The following HCRTR2 variants were observed in gnomAD, a reference collection of about 807,000 sequenced individuals.
HCRTR2 encodes the protein orexin receptor type 2.
HCRTR2 carries 22 observed loss-of-function variants against 49.0 expected under a neutral mutation model. That is an observed-to-expected ratio of 0.45 (90% CI 0.32 to 0.64). The LOEUF (loss-of-function observed/expected upper bound fraction) is 0.64, where lower values mean the gene tolerates loss of function less well. Ranked by LOEUF, HCRTR2 falls within the 30% of genes least tolerant of loss-of-function variation. The pLI is 0.04. For synonymous variants in HCRTR2, 236 were observed against 205.3 expected (o/e 1.15, Z -1.28); for missense variants, 491 against 559.4 (o/e 0.88, Z 1.23).
chr6:55,259,977 C>A (rs1766724128), intron 3 of HCRTR2, among the ~76,000 whole-genome samples: 1 of 152,100 alleles, frequency 6.6e-6, no homozygotes, highest in African/African-American at 2.4e-5. Flanking sequence ...TTCAAACAAT[C>A]TATCCTACCC....
chr6:55,280,278 T>C, intron 5 of HCRTR2, 45 bp from the exon 6 acceptor site: 1 of 1,288,776 alleles, frequency 7.8e-7, no homozygotes, highest in Non-Finnish European at 1.1e-6. Context: ...CACCTTTGAA[T>C]TTAATTATTT....
At chr6:55,247,565 A>G (rs1375881630) in intron 1 of HCRTR2, among the ~76,000 whole-genome samples, 1 of 152,148 alleles carries the variant, frequency 6.6e-6, no homozygotes, top group Non-Finnish European at 1.5e-5. Context: ...TGCCCCAGAC[A>G]AATTCAGTAA....
intron 1 of HCRTR2, among the ~76,000 whole-genome samples, chr6:55,226,749 G>C (rs1417484991): frequency 4.6e-5 from 5 of 108,726 alleles, no homozygotes; most frequent in African/African-American, 2.0e-4. Flanking sequence ...ACAGAGTCTC[G>C]CTCTGTCGCC....
At chr6:55,164,374 C>T (rs1561992364) in intron 1 of HCRTR2, among the ~76,000 whole-genome samples, 1 of 152,162 alleles carries the variant, frequency 6.6e-6, no homozygotes, top group Non-Finnish European at 1.5e-5. Context: ...GGAACCAACC[C>T]AGATGTCCAT....
At chr6:55,118,132 A>G (rs144506026) in intron 1 of HCRTR2, among the ~76,000 whole-genome samples, 3 of 151,986 alleles carry the variant, frequency 2.0e-5, no homozygotes, top group African/African-American at 4.8e-5. Flanking sequence ...GCTCCCACCT[A>G]TAAGTGAGAA....
At chr6:55,201,441 T>C (rs1053605294) in intron 1 of HCRTR2, among the ~76,000 whole-genome samples, 1 of 152,142 alleles carries the variant, frequency 6.6e-6, no homozygotes, top group African/African-American at 2.4e-5. Flanking sequence ...AATACTCATA[T>C]ATGTTCACTT....
At chr6:55,143,500 C>T (rs528076916) in intron 1 of HCRTR2, among the ~76,000 whole-genome samples, 1 of 152,132 alleles carries the variant, frequency 6.6e-6, no homozygotes, top group African/African-American at 2.4e-5. Context: ...AAAGTTATTG[C>T]TTTGCTTAGA....
At chr6:55,177,846 G>T (rs1361387992) in intron 1 of HCRTR2, among the ~76,000 whole-genome samples, 3 of 152,170 alleles carry the variant, frequency 2.0e-5, no homozygotes, top group African/African-American at 7.2e-5. Flanking sequence ...CAGTTTCCTG[G>T]GGGAGTAAAG....
At chr6:55,173,367 C>T (rs991627363), upstream of HCRTR2, among the ~76,000 whole-genome samples, 3 of 152,212 alleles carry the variant, frequency 2.0e-5, no homozygotes, top group Non-Finnish European at 2.9e-5. Flanking sequence ...GAGGCTTCTA[C>T]TCTGAAGCTG....
At chr6:55,129,766 C>T (rs905647844) in intron 1 of HCRTR2, among the ~76,000 whole-genome samples, 13 of 151,906 alleles carry the variant, frequency 8.6e-5, no homozygotes, top group Non-Finnish European at 1.8e-4. Context: ...TACTTTGTCC[C>T]TATAAAATAC....
At chr6:55,178,069 A>G (rs571045132) in intron 1 of HCRTR2, among the ~76,000 whole-genome samples, 1 of 152,240 alleles carries the variant, frequency 6.6e-6, no homozygotes, top group East Asian at 1.9e-4. Context: ...CAATTGGTAT[A>G]TTGTGAGCAT....
At position 55,206,362 on chromosome 6, in the gene HCRTR2, C is replaced by T. The variant is rs114965578; in HGVS notation, c.223+31552C>T. 2.9e-3 allele frequency among the ~76,000 whole-genome samples: 440 copies of T among 152,088 alleles called. 8 individuals carry two copies. Among genetic ancestry groups the T allele is most frequent in the African/African-American group, 0.01 (419 of 41,536 alleles). Reference sequence around the variant, plus strand: ...AATTAAAAACAAAAATATGATTTCACGACTGTGATAGTACCTGAGAAATTT... The same window carrying T: ...AATTAAAAACAAAAATATGATTTCATGACTGTGATAGTACCTGAGAAATTT... On this transcript the variant is annotated intron_variant, in intron 1 of 6. Coordinates refer to ENST00000370862, the MANE Select transcript of HCRTR2 (RefSeq NM_001384272.1).
chr6:55,129,786 C>T (rs1359734236), intron 1 of HCRTR2, among the ~76,000 whole-genome samples: 1 of 151,970 alleles, frequency 6.6e-6, no homozygotes, highest in Non-Finnish European at 1.5e-5. Context: ...CAAATCTGAT[C>T]ACATGTCTTC....
At chr6:55,162,339 A>G (rs1214316356) in intron 1 of HCRTR2, among the ~76,000 whole-genome samples, 1 of 152,222 alleles carries the variant, frequency 6.6e-6, no homozygotes, top group African/African-American at 2.4e-5. Context: ...AATGTATTTT[A>G]AAACAATAAG....
intron 1 of HCRTR2, among the ~76,000 whole-genome samples, chr6:55,205,063 AC>A (rs1765577431): frequency 6.6e-6 from 1 of 152,110 alleles, no homozygotes; most frequent in African/African-American, 2.4e-5. Context: ...CAGGTGTGAA[AC>A]ACTGTGCCTG....
At chr6:55,208,119 A>C (rs1430040989) in intron 1 of HCRTR2, among the ~76,000 whole-genome samples, 1 of 152,096 alleles carries the variant, frequency 6.6e-6, no homozygotes, top group Non-Finnish European at 1.5e-5. Flanking sequence ...CTTTTAAACA[A>C]GAGCAATTTC....
intron 1 of HCRTR2, among the ~76,000 whole-genome samples, chr6:55,207,629 T>C (rs893478475): frequency 2.0e-5 from 3 of 152,072 alleles, no homozygotes; most frequent in Non-Finnish European, 4.4e-5. Flanking sequence ...AACCAAAAAT[T>C]GTTGCAAAAT....
Position 55,252,558 on chromosome 6 carries a change from G to A in HCRTR2, c.403-2578G>A, listed in dbSNP as rs551878222. The stretch of plus-strand genomic sequence containing the variant: ...TTAGCAATGGTATTGAGGGGCCCTA[G>A]GTGCTTAACTTATTTGCAGAGAAGG... On this transcript the variant is annotated intron_variant, in intron 2 of 6. Coordinates refer to ENST00000370862, the MANE Select transcript of HCRTR2 (RefSeq NM_001384272.1). Among the ~76,000 whole-genome samples, 111 of 152,116 alleles carry A rather than the reference G, an allele frequency of 7.3e-4. 3 individuals carry two copies. In the South Asian group the frequency reaches 0.022, roughly 30 times the overall value.
At position 55,179,465 on chromosome 6, in the gene HCRTR2, G is replaced by A. The variant is rs550680018; in HGVS notation, c.223+4655G>A. 2.0e-4 allele frequency among the ~76,000 whole-genome samples: 30 copies of A among 152,144 alleles called. No homozygotes were observed. In the South Asian group the frequency reaches 5.0e-3, roughly 25 times the overall value. ...CTACATTTTTGCTAAAATCATAACT[G>A]TTTAGTCTTACTTAGTAAAATAAAT... On this transcript the variant is annotated intron_variant, in intron 1 of 6. Coordinates refer to ENST00000370862, the MANE Select transcript of HCRTR2 (RefSeq NM_001384272.1).
Sources: gnomAD v4.1 joint callset for allele counts (sites outside exome capture counted in the v4.1 genomes callset) on GRCh38, gnomAD v4.1.1 for gene constraint, MANE v1.5 for transcripts, NCBI Gene and HGNC (gene_info 2026-07-23, HGNC 2026-07-21) for gene names.